XKR4: variants seen among roughly 807,000 people sequenced by gnomAD.
XKR4 encodes XK related 4.
Under a neutral mutation model 53.9 loss-of-function variants are expected in XKR4, and 12 were observed. The observed-to-expected ratio is 0.22, with a 90% CI of 0.14 to 0.36. XKR4 has a LOEUF of 0.36. Among genes scored for constraint, XKR4 ranks in the 10% least tolerant of loss-of-function variants. XKR4 has a pLI of 1.00. For synonymous variants in XKR4, 354 were observed against 362.4 expected, an observed-to-expected ratio of 0.98 and a Z score of 0.26; for missense variants, 799 against 859.5, an observed-to-expected ratio of 0.93 and a Z score of 0.88.
chr8:55,465,635 T>G (rs1257513950), intron 2 of XKR4, among the ~76,000 whole-genome samples: 1 of 151,534 alleles, frequency 6.6e-6, no homozygotes, highest in African/African-American at 2.4e-5. Context: ...AATTGACAAA[T>G]GGGATCTAAT....
intron 2 of XKR4, among the ~76,000 whole-genome samples, chr8:55,432,048 G>T (rs969181146): frequency 6.6e-6 from 1 of 152,090 alleles, no homozygotes; most frequent in East Asian, 1.9e-4. Flanking sequence ...TAATATTGTG[G>T]GTTATAGCAT....
At chr8:55,157,694 G>T (rs1033784533) in intron 1 of XKR4, among the ~76,000 whole-genome samples, 2 of 152,028 alleles carry the variant, frequency 1.3e-5, no homozygotes, top group Admixed American at 6.6e-5. Flanking sequence ...CCTCAAGTAG[G>T]CCCCAATGTC....
intron 2 of XKR4, chr8:55,454,498 T>A: frequency 8.2e-7 from 1 of 1,221,188 alleles, no homozygotes; most frequent in Non-Finnish European, 1.2e-6. Context: ...CCAAAGACAG[T>A]ACGTTGGTGA....
At chr8:55,342,313 G>A (rs1803561167) in intron 1 of XKR4, among the ~76,000 whole-genome samples, 1 of 151,996 alleles carries the variant, frequency 6.6e-6, no homozygotes, top group African/African-American at 2.4e-5. Context: ...CTGCTATTGT[G>A]CAGGTCCTAA....
rs1816717156 is a variant in XKR4 at position 55,142,299 on chromosome 8, CA to C, written c.806+39006del. ...TCCTGGATAAGGAAAGGGTATAGTA[CA>C]CACTGGTCTCTTCAGAGTACTGGCT... On this transcript the variant is annotated intron_variant, in intron 1 of 2. Coordinates refer to ENST00000327381, the MANE Select transcript of XKR4 (RefSeq NM_052898.2). 1.5e-5 allele frequency: 6 copies of C among 413,128 alleles called. No individual in the cohort carries two copies. The Admixed American group carries it at 1.6e-4, about 11-fold the overall frequency. The allele number at this position is 413,128 out of a possible 1,614,324, so 25.6% of individuals were successfully genotyped here.
chr8:55,391,602 A>T (rs1334799565), intron 2 of XKR4, among the ~76,000 whole-genome samples: 1 of 152,224 alleles, frequency 6.6e-6, no homozygotes, highest in Non-Finnish European at 1.5e-5. Context: ...CTAAAAGGGT[A>T]AACCAAAATA....
chr8:55,450,479 T>G, intron 2 of XKR4: 1 of 612,106 alleles, frequency 1.6e-6, no homozygotes, highest in East Asian at 3.4e-5. Context: ...CTGCCCCTTC[T>G]CCTCGTACAG....
chr8:55,299,025 C>T (rs1819140956), intron 1 of XKR4, among the ~76,000 whole-genome samples: 2 of 152,134 alleles, frequency 1.3e-5, no homozygotes, highest in South Asian at 4.1e-4. Flanking sequence ...ATTGTCTGGC[C>T]CTTCCTTACA....
intron 1 of XKR4, among the ~76,000 whole-genome samples, chr8:55,112,705 C>T (rs781056809): frequency 9.3e-5 from 14 of 150,034 alleles, no homozygotes; most frequent in African/African-American, 2.2e-4. Flanking sequence ...ATCAGTGTGA[C>T]GGTAACAATG....
intron 1 of XKR4, chr8:55,161,733 C>T (rs1470075132): frequency 1.2e-5 from 5 of 418,858 alleles, no homozygotes; most frequent in Admixed American, 5.1e-5. Context: ...CCACCCATGG[C>T]CACTTACTGC....
At chr8:55,258,517 G>T (rs1315979095) in intron 1 of XKR4, among the ~76,000 whole-genome samples, 1 of 152,166 alleles carries the variant, frequency 6.6e-6, no homozygotes, top group African/African-American at 2.4e-5. Flanking sequence ...CCTTCCTACA[G>T]TTATGAGAAA....
chr8:55,389,077 G>A lies in XKR4; in HGVS notation c.1006+31200G>A, dbSNP rs146040906. ...AATTTGGACACATGAACACGAACAT[G>A]CACACACAGGGAGAGAGACACGTGA... is the stretch of plus-strand genomic sequence containing the variant. On this transcript the variant is annotated intron_variant, in intron 2 of 2. Coordinates refer to ENST00000327381, the MANE Select transcript of XKR4 (RefSeq NM_052898.2). Among the ~76,000 whole-genome samples the A allele has an allele frequency of 5.8e-3, 880 of 152,266 alleles. 5 individuals are homozygous for A. The highest frequency in any genetic ancestry group is 0.019 in the African/African-American group (805 of 41,546).
intron 1 of XKR4, among the ~76,000 whole-genome samples, chr8:55,217,873 T>TG (rs1817827712): frequency 6.6e-6 from 1 of 152,156 alleles, no homozygotes; most frequent in African/African-American, 2.4e-5. Flanking sequence ...TTACTTCTAA[T>TG]GGGGGAAAAA....
At chr8:55,498,767 TGAGAGAGACAGAGACA>T (rs970000826) in intron 2 of XKR4, among the ~76,000 whole-genome samples, 31 of 152,018 alleles carry the variant, frequency 2.0e-4, no homozygotes, top group African/African-American at 4.1e-4. Flanking sequence ...AATGAGACCC[TGAGAGAGACAGAGACA>T]GAGAGAGACA....
intron 2 of XKR4, among the ~76,000 whole-genome samples, chr8:55,490,816 G>A (rs535469231): frequency 6.6e-5 from 10 of 151,706 alleles, no homozygotes; most frequent in Non-Finnish European, 1.0e-4. Context: ...GTGTGTGTGC[G>A]CACGCGCATG....
chr8:55,453,555 G>T, intron 2 of XKR4: 3 of 378,780 alleles, frequency 7.9e-6, no homozygotes, highest in South Asian at 6.2e-5. Flanking sequence ...GTCATGCGGG[G>T]CCCTGAGGGC....
At chr8:55,249,403 G>A (rs779941397) in intron 1 of XKR4, among the ~76,000 whole-genome samples, 8 of 152,132 alleles carry the variant, frequency 5.3e-5, no homozygotes, top group Non-Finnish European at 7.4e-5. Context: ...GGTCAATATA[G>A]TTGCCTAGGC....
chr8:55,347,228 G>A (rs1036658348), intron 1 of XKR4, among the ~76,000 whole-genome samples: 12 of 152,328 alleles, frequency 7.9e-5, no homozygotes, highest in Non-Finnish European at 1.5e-4. Flanking sequence ...TGACATAGGA[G>A]GCTGTGGTTT....
At chr8:55,203,225 A>G (rs1817599469) in intron 1 of XKR4, among the ~76,000 whole-genome samples, 2 of 152,224 alleles carry the variant, frequency 1.3e-5, no homozygotes, top group African/African-American at 2.4e-5. Context: ...TTGGCTTTGC[A>G]CTATTGCGCC....
Sources: allele counts gnomAD v4.1 joint callset (sites outside exome capture counted in the v4.1 genomes callset), GRCh38; gene constraint gnomAD v4.1.1; transcripts MANE v1.5; gene names NCBI Gene and HGNC (gene_info 2026-07-23, HGNC 2026-07-21).